ALDH1A3: variants seen among roughly 807,000 people sequenced by gnomAD.
ALDH1A3 encodes aldehyde dehydrogenase 1 family member A3, also known as retinaldehyde dehydrogenase 3.
ALDH1A3 carries 28 observed loss-of-function variants against 57.5 expected under a neutral mutation model. The ratio of observed to expected loss-of-function variants is 0.49; its 90% CI spans 0.36 to 0.67. ALDH1A3 has a LOEUF of 0.67. Ranked by LOEUF, ALDH1A3 falls within the 30% of genes least tolerant of loss-of-function variation. The probability of loss-of-function intolerance (pLI) is 0.00; values close to 1 mark genes in which losing one functional copy is unlikely to be tolerated. For synonymous variants in ALDH1A3, 281 were observed against 264.8 expected, an observed-to-expected ratio of 1.06 and a Z score of -0.59; for missense variants, 507 against 669.4, an observed-to-expected ratio of 0.76 and a Z score of 2.68.
intron 3 of ALDH1A3, among the ~76,000 whole-genome samples, chr15:100,891,208 C>T (rs1312441390): frequency 1.3e-5 from 2 of 152,232 alleles, no homozygotes; most frequent in Non-Finnish European, 2.9e-5. Flanking sequence ...CACTCTAACG[C>T]TGGCCCTGTG....
At chr15:100,900,865 C>A in intron 9 of ALDH1A3, 106 bp downstream of exon 9, 2 of 1,228,646 alleles carry the variant, frequency 1.6e-6, no homozygotes, top group Non-Finnish European at 2.3e-6. Context: ...GGAATGCTGA[C>A]CTGTCCTGCC....
intron 7 of ALDH1A3, among the ~76,000 whole-genome samples, chr15:100,896,518 T>C (rs1461196313): frequency 6.6e-6 from 1 of 151,954 alleles, no homozygotes; most frequent in Non-Finnish European, 1.5e-5. Context: ...ATCAGGAAAA[T>C]GCAAATTCAA....
chr15:100,887,660 G>A lies in ALDH1A3; in HGVS notation c.293G>A (p.Arg98Gln), dbSNP rs879212373. The A allele has an allele frequency of 8.1e-6, 13 of 1,610,964 alleles. No individual in the cohort carries two copies. Among genetic ancestry groups the A allele is most frequent in the South Asian group, 1.1e-5 (1 of 90,520 alleles). ...WRRLDALSRG[R>Q]LLHQLADLVE... ...CGGCTGGATGCCCTGAGTCGTGGGC[G>A]GCTGCTGCACCAGCTGGCTGACCTG... Residue 98 changes from arginine (R) to glutamine (Q), a missense_variant, in exon 3 of 13, where the codon CGG becomes CAG. Physicochemically the swap from Arg to Gln is conservative, Grantham distance 43 (BLOSUM62 1). Around this residue, in one of 2 missense-constraint regions of ALDH1A3, gnomAD observed 432 missense variants for 608.4 expected, o/e 0.71. Transcript: ENST00000329841. The surrounding 1 kb of genome is among the most constrained non-coding windows in gnomAD (Gnocchi z 4.6).
rs1476931711 is a variant in ALDH1A3 at position 100,914,796 on chromosome 15, C to A, written c.*23C>A. 6.2e-7 allele frequency: 1 copy of A among 1,611,260 alleles called. No homozygotes were observed. Among genetic ancestry groups the A allele is most frequent in the Non-Finnish European group, 8.5e-7 (1 of 1,177,796 alleles). On this transcript the variant is annotated 3_prime_UTR_variant, in exon 13 of 13. Coordinates refer to ENST00000329841, the MANE Select transcript of ALDH1A3 (RefSeq NM_000693.4). ...TGAAGGAAAGGCGGGGCTCCTTCCTCAAACATCGGACGGCGGAATGTGGCA... is the reference window on the plus strand; with the variant it reads ...TGAAGGAAAGGCGGGGCTCCTTCCTAAAACATCGGACGGCGGAATGTGGCA...
chr15:100,893,670 A>G lies in ALDH1A3; in HGVS notation c.538-284A>G. The G allele has an allele frequency of 3.3e-6, 1 of 305,304 alleles. No individual in the cohort carries two copies. Among genetic ancestry groups the G allele is most frequent in the African/African-American group, 2.1e-5 (1 of 46,848 alleles). The allele number at this position is 305,304 out of a possible 1,614,324, so 18.9% of individuals were successfully genotyped here. On this transcript the variant is annotated intron_variant, in intron 5 of 12. Transcript: ENST00000329841. The surrounding 1 kb of genome is among the most constrained non-coding windows in gnomAD (Gnocchi z 4.8). ...GTGAGGGTTCAAAAAGTGCCCATGG[A>G]GGCAGGGAGGAGGACACGTCTTCAG... is the stretch of plus-strand genomic sequence containing the variant.
rs2041682810 is a variant in ALDH1A3 at position 100,894,769 on chromosome 15, C to G, written c.666+687C>G. On this transcript the variant is annotated intron_variant, in intron 6 of 12. Transcript: ENST00000329841. The surrounding 1 kb of genome is among the most constrained non-coding windows in gnomAD (Gnocchi z 4.5). The stretch of plus-strand genomic sequence containing the variant: ...CAGTTGCTTAGAAGCAAGGTGGGAA[C>G]AGCTGGTGATGAGCCAATTTTCCAC... 1.3e-5 allele frequency: 2 copies of G among 152,284 alleles called. No individual in the cohort carries two copies. The highest frequency in any genetic ancestry group is 4.8e-5 in the African/African-American group (2 of 41,452). 9.4% of individuals were successfully genotyped at this position (152,284 alleles called of 1,614,324 possible).
intron 8 of ALDH1A3, 140 bp from the exon 9 acceptor site, chr15:100,900,435 A>C: frequency 1.2e-6 from 1 of 816,492 alleles, no homozygotes; most frequent in South Asian, 1.8e-5. Flanking sequence ...TCTGCAAACA[A>C]AATTAATTTC....
At chr15:100,890,883 A>C (rs1419930167) in intron 3 of ALDH1A3, among the ~76,000 whole-genome samples, 1 of 152,192 alleles carries the variant, frequency 6.6e-6, no homozygotes, top group Non-Finnish European at 1.5e-5. Flanking sequence ...CCCTGGAAAA[A>C]TGAAAGTTCA....
At chr15:100,900,298 G>T (rs530284624) in intron 8 of ALDH1A3, among the ~76,000 whole-genome samples, 2 of 152,324 alleles carry the variant, frequency 1.3e-5, no homozygotes, top group South Asian at 4.1e-4. Flanking sequence ...GAAATGGAGG[G>T]TGCTATGACT....
intron 3 of ALDH1A3, chr15:100,888,845 G>A (rs765444174): frequency 4.6e-5 from 7 of 152,202 alleles, no homozygotes; most frequent in Non-Finnish European, 1.0e-4. Context: ...ATAGATGACA[G>A]CTATCATTAA....
At chr15:100,880,375 T>C (rs1596202478) in intron 1 of ALDH1A3, 1 of 369,334 alleles carries the variant, frequency 2.7e-6, no homozygotes, top group Non-Finnish European at 4.8e-6. Context: ...GGGAGCTCCC[T>C]CCCCAAAAAC....
At position 100,897,920 on chromosome 15, in the gene ALDH1A3, G is replaced by A. The variant is rs1232356996; in HGVS notation, c.781-163G>A. The stretch of plus-strand genomic sequence containing the variant: ...TGGCATGGGAGGAGATGCTGGCAGA[G>A]GCCAGGACAGTGAAGGGACGGCATC... On this transcript the variant is annotated intron_variant, in intron 7 of 12. Coordinates refer to ENST00000329841, the MANE Select transcript of ALDH1A3 (RefSeq NM_000693.4). The A allele has an allele frequency of 1.7e-5, 10 of 605,492 alleles. No individual in the cohort carries two copies. In the South Asian group the frequency reaches 1.8e-4, roughly 11 times the overall value. 37.5% of individuals were successfully genotyped at this position (605,492 alleles called of 1,614,324 possible).
intron 12 of ALDH1A3, among the ~76,000 whole-genome samples, chr15:100,911,030 C>A (rs1596136077): frequency 6.6e-6 from 1 of 152,252 alleles, no homozygotes; most frequent in Non-Finnish European, 1.5e-5. Flanking sequence ...CATGTGTCCT[C>A]CTGCCAGTTA....
chr15:100,900,694 G>A lies in ALDH1A3; in HGVS notation c.1003G>A (p.Val335Met), dbSNP rs923605749. The change falls in exon 9 of 13, where the codon GTG becomes ATG. Residue 335 changes from valine to methionine, a missense_variant. This residue lies in a region of ALDH1A3 where 432 missense variants were observed against 608.4 expected (regional missense o/e 0.71). Transcript: ENST00000329841. ...QVYSEFVRRS[V>M]EYAKKRPVGD... Reference sequence around the variant, plus strand: ...CTACTCTGAGTTTGTCAGGCGGAGCGTGGAGTATGCCAAGAAACGGCCCGT... The same window carrying A: ...CTACTCTGAGTTTGTCAGGCGGAGCATGGAGTATGCCAAGAAACGGCCCGT... 6.8e-6 allele frequency: 11 copies of A among 1,614,030 alleles called. No individual in the cohort carries two copies. Among genetic ancestry groups the A allele is most frequent in the African/African-American group, 1.3e-5 (1 of 74,904 alleles).
In ALDH1A3 at chr15:100,888,213, C is replaced by T. The variant is rs79370977; in HGVS notation, c.345+501C>T. Reference sequence around the variant, plus strand: ...TCCCAGGTTAAAATGATTCTCTTGCCTCAGCCTCCTGAGTAGCTGGGACTA... The same window carrying T: ...TCCCAGGTTAAAATGATTCTCTTGCTTCAGCCTCCTGAGTAGCTGGGACTA... On this transcript the variant is annotated intron_variant, in intron 3 of 12. Coordinates refer to ENST00000329841, the MANE Select transcript of ALDH1A3 (RefSeq NM_000693.4). 4.9e-3 allele frequency among the ~76,000 whole-genome samples: 750 copies of T among 152,262 alleles called. 33 individuals are homozygous for T. The East Asian group carries it at 0.093, about 19-fold the overall frequency.
At chr15:100,885,497 G>A (rs1469284699) in intron 2 of ALDH1A3, 126 bp downstream of exon 2, 36 of 662,324 alleles carry the variant, frequency 5.4e-5, no homozygotes, top group African/African-American at 3.2e-4. Flanking sequence ...GGCTAGCTGC[G>A]TGAATTGGCA....
intron 1 of ALDH1A3, chr15:100,881,528 C>T (rs986703859): frequency 2.6e-5 from 4 of 152,148 alleles, no homozygotes; most frequent in African/African-American, 9.7e-5. Context: ...TTTTTGAGTC[C>T]TATCAGCAAT....
chr15:100,908,314 G>C lies in ALDH1A3; in HGVS notation c.1392-94G>C, dbSNP rs2041846183. On this transcript the variant is annotated intron_variant, in intron 11 of 12. Coordinates refer to ENST00000329841, the MANE Select transcript of ALDH1A3 (RefSeq NM_000693.4). Reference sequence around the variant, plus strand: ...AGCTTTGGCAAAAGACTGTTTATTAGACAATGCCCTGCACTGGGGGCTAAG... The same window carrying C: ...AGCTTTGGCAAAAGACTGTTTATTACACAATGCCCTGCACTGGGGGCTAAG... 3 of 1,032,682 alleles carry C rather than the reference G, an allele frequency of 2.9e-6. No homozygotes were observed. The Admixed American group carries it at 6.1e-5, about 21-fold the overall frequency. 64.0% of individuals were successfully genotyped at this position (1,032,682 alleles called of 1,614,324 possible).
chr15:100,887,529 C>G lies in ALDH1A3; in HGVS notation c.205-43C>G. 6.7e-7 allele frequency: 1 copy of G among 1,496,720 alleles called. No homozygotes were observed. The highest frequency in any genetic ancestry group is 9.0e-7 in the Non-Finnish European group (1 of 1,116,298). 92.7% of individuals were successfully genotyped at this position (1,496,720 alleles called of 1,614,324 possible). A position where few individuals can be genotyped will look rare whatever the true frequency, so the allele number is the denominator to read the frequency against. On this transcript the variant is annotated intron_variant, in intron 2 of 12. Coordinates refer to ENST00000329841, the MANE Select transcript of ALDH1A3 (RefSeq NM_000693.4). This position sits in a 1 kb window ranked among gnomAD's most constrained non-coding sequence, Gnocchi z 4.6. ...AAAGATGACACCCAAACTGCAGTCACGTCAAAAGATGACAGTCTCTCTCTG... is the reference window on the plus strand; with the variant it reads ...AAAGATGACACCCAAACTGCAGTCAGGTCAAAAGATGACAGTCTCTCTCTG...
Sources: gnomAD v4.1 joint callset for allele counts (sites outside exome capture counted in the v4.1 genomes callset) on GRCh38, gnomAD v4.1.1 for gene constraint, gnomAD v4.1.1 regional missense constraint, Gnocchi (gnomAD v3.1) non-coding constraint, MANE v1.5 for transcripts, NCBI Gene and HGNC (gene_info 2026-07-23, HGNC 2026-07-21) for gene names.